The following MTERF3 variants were observed in gnomAD, a reference collection of about 807,000 sequenced individuals.
MTERF3 encodes the protein transcription termination factor 3, mitochondrial.
MTERF3 carries 40 observed loss-of-function variants against 40.5 expected under a neutral mutation model. The ratio of observed to expected loss-of-function variants is 0.99; its 90% CI spans 0.77 to 1.29. The LOEUF is 1.29. MTERF3 is among the 50% of genes most tolerant of loss of function. MTERF3 has a pLI of 0.00. For missense variants in MTERF3, 452 were observed against 478.2 expected, an observed-to-expected ratio of 0.95 and a Z score of 0.51; for synonymous variants, 158 against 166.6, an observed-to-expected ratio of 0.95 and a Z score of 0.40.
chr8:96,247,592 T>G lies in MTERF3; in HGVS notation c.678-1138A>C, dbSNP rs1447622859. Among the ~76,000 whole-genome samples the G allele has an allele frequency of 3.9e-5, 6 of 152,168 alleles. No homozygotes were observed. The East Asian group carries it at 1.2e-3, about 29-fold the overall frequency. On this transcript the variant is annotated intron_variant, in intron 4 of 7. Transcript: ENST00000287025. ...TTGTCTGAGATCATCACCTAATTAC[T>G]GACAAAACTAAGATGTGAACTCAGG...
In MTERF3 at chr8:96,250,974, G is replaced by C; in HGVS notation, c.609C>G (p.Asn203Lys). ...LFLKDVGIED[N>K]QLGAFLTKNH... ...TTTTTGTCAGGAATGCTCCCAGTTGGTTATCCTCTATACCCACATCTTTAA... is the reference window on the plus strand; with the variant it reads ...TTTTTGTCAGGAATGCTCCCAGTTGCTTATCCTCTATACCCACATCTTTAA... Residue 203 changes from asparagine to lysine, a missense_variant, in exon 4 of 8, where the codon AAC (asparagine) becomes AAG (lysine). Physicochemically the swap from Asn to Lys is moderately conservative, Grantham distance 94. Transcript: ENST00000287025. The C allele has an allele frequency of 1.2e-6, 2 of 1,608,156 alleles. No homozygotes were observed. The highest frequency in any genetic ancestry group is 1.7e-6 in the Non-Finnish European group (2 of 1,178,540).
Position 96,261,610 on chromosome 8 carries a change from C to G in MTERF3, c.-120G>C, listed in dbSNP as rs1026418016. On this transcript the variant is annotated 5_prime_UTR_variant, in exon 1 of 8. Transcript: ENST00000287025. ...CGCCGGCTCCTCAGCCCGCCCTACA[C>G]AGCGCAGCCGCGCTCCCGGGCCCAC... The G allele has an allele frequency of 1.2e-5, 2 of 160,276 alleles. No individual in the cohort carries two copies. The highest frequency in any genetic ancestry group is 4.8e-5 in the African/African-American group (2 of 41,524). 9.9% of individuals were successfully genotyped at this position (160,276 alleles called of 1,614,324 possible). A position where few individuals can be genotyped will look rare whatever the true frequency, so the allele number is the denominator to read the frequency against.
chr8:96,250,093 A>G (rs954661449), intron 4 of MTERF3, among the ~76,000 whole-genome samples: 1 of 152,188 alleles, frequency 6.6e-6, no homozygotes, highest in Non-Finnish European at 1.5e-5. Flanking sequence ...CACAAATTCA[A>G]TAATTCTTTG....
chr8:96,242,280 G>A (rs963160226), intron 7 of MTERF3, among the ~76,000 whole-genome samples: 4 of 152,144 alleles, frequency 2.6e-5, no homozygotes, highest in African/African-American at 9.7e-5. Context: ...CTACAACAGA[G>A]CTTCTCTGAG....
intron 2 of MTERF3, 122 bp from the exon 3 acceptor site, chr8:96,257,236 A>G (rs1810298086): frequency 5.9e-6 from 6 of 1,021,810 alleles, no homozygotes; most frequent in Non-Finnish European, 8.3e-6. Context: ...TTTAGAATTA[A>G]ACATCCAAGT....
intron 7 of MTERF3, among the ~76,000 whole-genome samples, chr8:96,240,466 G>C (rs1038793774): frequency 6.6e-6 from 1 of 151,840 alleles, no homozygotes; most frequent in African/African-American, 2.4e-5. Context: ...TTTAAAATTT[G>C]CACTCCTCCC....
chr8:96,241,014 C>T (rs1809917333), intron 7 of MTERF3, among the ~76,000 whole-genome samples: 1 of 152,178 alleles, frequency 6.6e-6, no homozygotes, highest in Non-Finnish European at 1.5e-5. Context: ...GTTCTGATAA[C>T]TAAATTCCCA....
rs1461693896 is a variant in MTERF3, at chr8:96,244,619, T to A, written c.898-539A>T. ...TTTCACCATGTTGGCCAGGCTGGTC[T>A]CAAACTCCTGACCTCAAGTGATCTG... On this transcript the variant is annotated intron_variant, in intron 6 of 7. Transcript: ENST00000287025. 2.6e-5 allele frequency among the ~76,000 whole-genome samples: 4 copies of A among 152,112 alleles called. No individual in the cohort carries two copies. The East Asian group carries it at 7.7e-4, about 29-fold the overall frequency.
chr8:96,251,479 T>A (rs1225694896), intron 3 of MTERF3, among the ~76,000 whole-genome samples: 1 of 152,238 alleles, frequency 6.6e-6, no homozygotes, highest in Non-Finnish European at 1.5e-5. Context: ...AATAAAATGT[T>A]ACCTTCTTTG....
At chr8:96,250,631 A>AGAC (rs1563548700) in intron 4 of MTERF3, among the ~76,000 whole-genome samples, 14 of 22,504 alleles carry the variant, frequency 6.2e-4, no homozygotes, top group African/African-American at 2.9e-3. Flanking sequence ...AAGAAGAAGA[A>AGAC]GAAGAAGAAG....
intron 3 of MTERF3, among the ~76,000 whole-genome samples, chr8:96,255,672 C>A (rs1201652278): frequency 6.6e-6 from 1 of 151,844 alleles, no homozygotes; most frequent in South Asian, 2.1e-4. Context: ...AGGATGACCC[C>A]CAAAGTTTCT....
At chr8:96,253,304 C>T (rs1810219823) in intron 3 of MTERF3, among the ~76,000 whole-genome samples, 1 of 152,092 alleles carries the variant, frequency 6.6e-6, no homozygotes, top group Non-Finnish European at 1.5e-5. Context: ...GGACTAGAGG[C>T]TATTAAGGAA....
chr8:96,252,835 G>A (rs538174024), intron 3 of MTERF3, among the ~76,000 whole-genome samples: 5 of 152,152 alleles, frequency 3.3e-5, no homozygotes, highest in East Asian at 3.8e-4. Context: ...GACTGTGCTC[G>A]AACAGAAATC....
At chr8:96,257,294 GACTA>G in intron 2 of MTERF3, 180 bp from the exon 3 acceptor site, 1 of 472,896 alleles carries the variant, frequency 2.1e-6, no homozygotes, top group Non-Finnish European at 3.6e-6. Flanking sequence ...TATTTAGACA[GACTA>G]ACTACTGTTC....
chr8:96,251,762 C>T (rs375233531), intron 3 of MTERF3, among the ~76,000 whole-genome samples: 32 of 152,202 alleles, frequency 2.1e-4, no homozygotes, highest in African/African-American at 7.5e-4. Flanking sequence ...AAAAAAAAAT[C>T]GTCATATTCA....
intron 6 of MTERF3, among the ~76,000 whole-genome samples, chr8:96,245,149 T>C (rs1460503819): frequency 6.6e-6 from 1 of 151,924 alleles, no homozygotes; most frequent in Non-Finnish European, 1.5e-5. Flanking sequence ...CCCACTAGAT[T>C]GTAAGCTCCT....
chr8:96,243,709 T>C (rs1809969641), intron 7 of MTERF3, among the ~76,000 whole-genome samples: 1 of 152,240 alleles, frequency 6.6e-6, no homozygotes, highest in Admixed American at 6.5e-5. Flanking sequence ...GAGACTACAT[T>C]AGATTTGTTG....
chr8:96,247,112 A>G (rs1810036169), intron 4 of MTERF3, among the ~76,000 whole-genome samples: 1 of 152,052 alleles, frequency 6.6e-6, no homozygotes, highest in South Asian at 2.1e-4. Context: ...AGCTGGGATT[A>G]CAGGCACACA....
intron 5 of MTERF3, 39 bp downstream of exon 5, chr8:96,246,268 C>T: frequency 6.4e-7 from 1 of 1,551,962 alleles, no homozygotes; most frequent in Non-Finnish European, 8.7e-7. Flanking sequence ...TTAAAATGTA[C>T]CTGACATGGA....
Sources: gnomAD v4.1 joint callset for allele counts (sites outside exome capture counted in the v4.1 genomes callset) on GRCh38, gnomAD v4.1.1 for gene constraint, MANE v1.5 for transcripts, NCBI Gene and HGNC (gene_info 2026-07-23, HGNC 2026-07-21) for gene names.